ASXL2: variants seen among roughly 807,000 people sequenced by gnomAD.
The protein encoded by ASXL2 is putative Polycomb group protein ASXL2.
In ASXL2, 23 loss-of-function variants were observed where a neutral mutation model predicts 122.0. The observed-to-expected ratio is 0.19, with a 90% CI of 0.14 to 0.27. The LOEUF (loss-of-function observed/expected upper bound fraction) is 0.27, where lower values mean the gene tolerates loss of function less well. ASXL2 is among the 10% of genes least tolerant of loss of function. The pLI is 1.00. For synonymous variants in ASXL2, 650 were observed against 637.0 expected, an observed-to-expected ratio of 1.02 and a Z score of -0.31; for missense variants, 1,518 against 1,713.8, an observed-to-expected ratio of 0.89 and a Z score of 2.02.
In ASXL2 at chr2:25,847,140, G is replaced by A. The variant is rs533075346; in HGVS notation, c.58-1577C>T. Among the ~76,000 whole-genome samples the A allele has an allele frequency of 1.4e-4, 21 of 152,204 alleles. No homozygotes were observed. In the South Asian group the frequency reaches 2.1e-3, roughly 15 times the overall value. On this transcript the variant is annotated intron_variant, in intron 1 of 12. Transcript: ENST00000435504. ...AACATAATACAGCAAGATAAGTGGC[G>A]CCAAAATTCAAATCCAAGTCTTGCA...
At chr2:25,839,321 G>C (rs2089550138) in intron 2 of ASXL2, among the ~76,000 whole-genome samples, 1 of 152,130 alleles carries the variant, frequency 6.6e-6, no homozygotes, top group Non-Finnish European at 1.5e-5. Flanking sequence ...TGAAATAACT[G>C]TTTATTGGTA....
rs537285829 is a variant in ASXL2, at chr2:25,832,290, T to C, written c.143+3248A>G. On this transcript the variant is annotated intron_variant, in intron 3 of 12. Coordinates refer to ENST00000435504, the MANE Select transcript of ASXL2 (RefSeq NM_018263.6). Reference sequence around the variant, plus strand: ...TTCACTTAGAGTGGTAAAATGATTATCAGCAGACTGTGATAAATCACGTGT... The same window carrying C: ...TTCACTTAGAGTGGTAAAATGATTACCAGCAGACTGTGATAAATCACGTGT... 3.9e-5 allele frequency among the ~76,000 whole-genome samples: 6 copies of C among 152,310 alleles called. No individual in the cohort carries two copies. In the East Asian group the frequency reaches 7.7e-4, roughly 20 times the overall value.
At chr2:25,758,337 C>A (rs1367709668) in intron 9 of ASXL2, among the ~76,000 whole-genome samples, 1 of 152,220 alleles carries the variant, frequency 6.6e-6, no homozygotes, top group African/African-American at 2.4e-5. Flanking sequence ...ATAACCAGTT[C>A]TTTTACTGTG....
intron 8 of ASXL2, among the ~76,000 whole-genome samples, chr2:25,761,422 C>T (rs972329876): frequency 6.6e-6 from 1 of 152,208 alleles, no homozygotes; most frequent in Admixed American, 6.5e-5. Flanking sequence ...TGCCTGTAAT[C>T]GCAGCACTCT....
intron 1 of ASXL2, among the ~76,000 whole-genome samples, chr2:25,849,473 A>AAAG: frequency 1.3e-5 from 2 of 148,566 alleles, no homozygotes; most frequent in African/African-American, 4.9e-5. Context: ...AAAAAAAAAA[A>AAAG]GTTTTTTGTT....
At chr2:25,756,151 A>G in intron 9 of ASXL2, 37 bp from the exon 10 acceptor site, 1 of 1,373,102 alleles carries the variant, frequency 7.3e-7, no homozygotes, top group Non-Finnish European at 9.9e-7. Context: ...GCTTACAAAG[A>G]AAGTGAAAGG....
At chr2:25,816,863 G>A (rs572382330) in intron 3 of ASXL2, among the ~76,000 whole-genome samples, 8 of 152,162 alleles carry the variant, frequency 5.3e-5, no homozygotes, top group Admixed American at 2.0e-4. Flanking sequence ...GGTGGCTCAC[G>A]CCTGTAATCC....
chr2:25,800,071 G>A (rs1028156022), intron 4 of ASXL2, among the ~76,000 whole-genome samples: 1 of 151,484 alleles, frequency 6.6e-6, no homozygotes, highest in Non-Finnish European at 1.5e-5. Flanking sequence ...GCCAAGGTGG[G>A]AGGACTAAGC....
intron 2 of ASXL2, among the ~76,000 whole-genome samples, chr2:25,844,592 A>C (rs574181341): frequency 8.9e-4 from 134 of 151,012 alleles, no homozygotes; most frequent in African/African-American, 2.9e-3. Context: ...AAAAACAAAC[A>C]AAAAAAACAA....
chr2:25,743,061 G>T lies in ASXL2; in HGVS notation c.3276C>A (p.His1092Gln). ...VVPPSQFNFA[H>Q]SGFQLEDIST... is the part of the protein sequence containing the mutation. ...AGATGTCTTCCAGCTGGAAACCTGAGTGAGCGAAGTTGAACTGTGAGGGCG... is the reference window on the plus strand; with the variant it reads ...AGATGTCTTCCAGCTGGAAACCTGATTGAGCGAAGTTGAACTGTGAGGGCG... The change falls in exon 13 of 13, where the codon CAC (histidine) becomes CAA (glutamine). Residue 1092 changes from histidine to glutamine, a missense_variant. Physicochemically the swap from His to Gln is conservative, Grantham distance 24. Coordinates refer to ENST00000435504, the MANE Select transcript of ASXL2 (RefSeq NM_018263.6). The T allele has an allele frequency of 6.2e-7, 1 of 1,614,030 alleles. No homozygotes were observed. The highest frequency in any genetic ancestry group is 8.5e-7 in the Non-Finnish European group (1 of 1,179,898).
intron 7 of ASXL2, 52 bp downstream of exon 7, chr2:25,768,690 A>G: frequency 6.3e-7 from 1 of 1,586,144 alleles, no homozygotes; most frequent in East Asian, 2.2e-5. Flanking sequence ...AAACCAACAT[A>G]AAAATACTAG....
rs1207599859 is a variant in ASXL2, at chr2:25,744,535, A to G, written c.1861-59T>C. 25 of 1,510,890 alleles carry G rather than the reference A, an allele frequency of 1.7e-5. No homozygotes were observed. Among genetic ancestry groups the G allele is most frequent in the Middle Eastern group, 1.7e-4 (1 of 5,720 alleles). The allele number at this position is 1,510,890 out of a possible 1,614,324, so 93.6% of individuals were successfully genotyped here. A position where few individuals can be genotyped will look rare whatever the true frequency, so the allele number is the denominator to read the frequency against. On this transcript the variant is annotated intron_variant, in intron 12 of 12. Coordinates refer to ENST00000435504, the MANE Select transcript of ASXL2 (RefSeq NM_018263.6). The surrounding 1 kb of genome is among the most constrained non-coding windows in gnomAD (Gnocchi z 4.7). ...CTTAGTTTTCATTTGTAAGAATAAC[A>G]AAACTTCATTAGCCCTCACATTTTA...
At chr2:25,748,149 G>T (rs1214860507) in intron 12 of ASXL2, among the ~76,000 whole-genome samples, 1 of 152,006 alleles carries the variant, frequency 6.6e-6, no homozygotes, top group Non-Finnish European at 1.5e-5. Flanking sequence ...CTGCATTCCA[G>T]CCTGGACGAC....
At chr2:25,768,208 G>C (rs1039419899) in intron 7 of ASXL2, among the ~76,000 whole-genome samples, 7 of 152,166 alleles carry the variant, frequency 4.6e-5, no homozygotes. Flanking sequence ...GGAAACATCA[G>C]ATTTTAAGGT....
At chr2:25,824,262 G>GA (rs1163877340) in intron 3 of ASXL2, among the ~76,000 whole-genome samples, 1 of 151,406 alleles carries the variant, frequency 6.6e-6, no homozygotes, top group South Asian at 2.1e-4. Flanking sequence ...ATAAACTCAG[G>GA]AAAAAAAATA....
intron 1 of ASXL2, among the ~76,000 whole-genome samples, chr2:25,847,459 C>T (rs1415499861): frequency 6.6e-6 from 1 of 152,164 alleles, no homozygotes; most frequent in African/African-American, 2.4e-5. Flanking sequence ...ACATTAACCA[C>T]ACCAAGCTTT....
Position 25,845,481 on chromosome 2 carries a change from C to A in ASXL2, c.140G>T (p.Arg47Ile). 1.4e-6 allele frequency: 2 copies of A among 1,454,858 alleles called. No individual in the cohort carries two copies. The highest frequency in any genetic ancestry group is 2.6e-5 in the East Asian group (1 of 38,732). The allele number at this position is 1,454,858 out of a possible 1,614,324, so 90.1% of individuals were successfully genotyped here. A position where few individuals can be genotyped will look rare whatever the true frequency, so the allele number is the denominator to read the frequency against. ...TACTAAAAATATTTAAATAACTCAC[C>A]TGATTTCTTTTAGTCCTTCTCTCTG... ...VIQREGLKEI[R>I]SGTSPLACLN... The change falls in exon 2 of 13, where the codon AGA (arginine) becomes ATA (isoleucine). Residue 47 changes from arginine to isoleucine, a missense_variant and splice_region_variant. By Grantham distance (97) the Arg-to-Ile change is moderately conservative (BLOSUM62 -3). Around this residue, in one of 8 missense-constraint regions of ASXL2, gnomAD observed 12 missense variants for 60.0 expected, o/e 0.20. Transcript: ENST00000435504.
intron 8 of ASXL2, among the ~76,000 whole-genome samples, chr2:25,765,270 G>C (rs1359489752): frequency 6.6e-6 from 1 of 152,054 alleles, no homozygotes; most frequent in African/African-American, 2.4e-5. Context: ...CAGATCACGA[G>C]GTCAGGAGAT....
At chr2:25,769,927 G>C (rs980831201) in intron 6 of ASXL2, among the ~76,000 whole-genome samples, 1 of 152,222 alleles carries the variant, frequency 6.6e-6, no homozygotes. Context: ...AAGCAACTGA[G>C]AGAGCTCTAT....
Sources: gnomAD v4.1 joint callset for allele counts (sites outside exome capture counted in the v4.1 genomes callset) on GRCh38, gnomAD v4.1.1 for gene constraint, gnomAD v4.1.1 regional missense constraint, Gnocchi (gnomAD v3.1) non-coding constraint, MANE v1.5 for transcripts, NCBI Gene and HGNC (gene_info 2026-07-23, HGNC 2026-07-21) for gene names.